The following CAPS2 variants were observed in gnomAD, a reference collection of about 807,000 sequenced individuals.
The protein encoded by CAPS2 is calcyphosine 2.
Under a neutral mutation model 86.5 loss-of-function variants are expected in CAPS2, and 98 were observed. The ratio of observed to expected loss-of-function variants is 1.13; its 90% confidence interval spans 0.96 to 1.34. The LOEUF (loss-of-function observed/expected upper bound fraction) is 1.34, where lower values mean the gene tolerates loss of function less well. CAPS2 is among the 40% of genes most tolerant of loss of function. The pLI, the probability that CAPS2 is intolerant of heterozygous loss-of-function variation, is 0.00. For synonymous variants in CAPS2, 210 were observed against 225.1 expected (o/e 0.93, Z 0.60); for missense variants, 729 against 686.8 (o/e 1.06, Z -0.69).
At chr12:75,327,504 C>A (rs1201269967), upstream of CAPS2, among the ~76,000 whole-genome samples, 1 of 151,996 alleles carries the variant, frequency 6.6e-6, no homozygotes, top group Non-Finnish European at 1.5e-5. Flanking sequence ...GATAATTTTA[C>A]ATTTAAATAT....
chr12:75,354,911 A>G (rs1392846987), intron 1 of CAPS2, among the ~76,000 whole-genome samples: 1 of 152,230 alleles, frequency 6.6e-6, no homozygotes, highest in African/African-American at 2.4e-5. Flanking sequence ...TGGTGCTGGG[A>G]GAACAGGCTA....
intron 16 of CAPS2, among the ~76,000 whole-genome samples, chr12:75,279,375 G>A (rs548613129): frequency 6.6e-6 from 1 of 151,974 alleles, no homozygotes; most frequent in East Asian, 1.9e-4. Context: ...TATAGTGACT[G>A]GTCAGATAAC....
At chr12:75,336,595 C>A (rs568422544) in intron 1 of CAPS2, among the ~76,000 whole-genome samples, 31 of 151,524 alleles carry the variant, frequency 2.0e-4, no homozygotes, top group Admixed American at 2.0e-3. Context: ...AGGGCTAATT[C>A]AACAAAAGAC....
chr12:75,308,369 A>G (rs1451504554), intron 7 of CAPS2, among the ~76,000 whole-genome samples: 1 of 152,220 alleles, frequency 6.6e-6, no homozygotes, highest in Non-Finnish European at 1.5e-5. Flanking sequence ...CAAGTAACCA[A>G]TGGGAAACCT....
rs558829887 is a variant in CAPS2 at position 75,310,966 on chromosome 12, AG to A, written c.659+1881del. Reference sequence around the variant, plus strand: ...TCATATACAACTGGTCAAAATAAAAAGTAAGGCCCTTCCAGCCATGGCAAGC... The same window carrying A: ...TCATATACAACTGGTCAAAATAAAAATAAGGCCCTTCCAGCCATGGCAAGC... On this transcript the variant is annotated intron_variant, in intron 7 of 16. Coordinates refer to ENST00000393284, the Ensembl canonical transcript of CAPS2. Among the ~76,000 whole-genome samples the A allele has an allele frequency of 2.8e-3, 432 of 152,256 alleles. 4 individuals carry two copies. The highest frequency in any genetic ancestry group is 0.01 in the African/African-American group (420 of 41,508).
chr12:75,298,118 T>C (rs2037211936), intron 11 of CAPS2: 1 of 153,198 alleles, frequency 6.5e-6, no homozygotes, highest in Admixed American at 6.5e-5. Flanking sequence ...TGTATTTTAC[T>C]CACGATATAA....
At chr12:75,340,725 T>C (rs577874035) in intron 1 of CAPS2, among the ~76,000 whole-genome samples, 132 of 138,862 alleles carry the variant, frequency 9.5e-4, no homozygotes, top group African/African-American at 3.1e-3. Context: ...GTCTCAAAAC[T>C]CAACAGTAAA....
At chr12:75,284,706 T>C (rs536045952) in intron 15 of CAPS2, among the ~76,000 whole-genome samples, 139 of 152,214 alleles carry the variant, frequency 9.1e-4, no homozygotes, top group Middle Eastern at 3.4e-3. Context: ...CTTATGGAGC[T>C]AGTAATTTGT....
At chr12:75,347,620 A>C (rs746529940) in intron 1 of CAPS2, 2 of 1,596,038 alleles carry the variant, frequency 1.3e-6, no homozygotes, top group Non-Finnish European at 8.6e-7. Flanking sequence ...TTTTCTTTAT[A>C]GTTAGTTTGG....
chr12:75,368,701 A>T (rs1376189149), intron 1 of CAPS2, among the ~76,000 whole-genome samples: 1 of 151,906 alleles, frequency 6.6e-6, no homozygotes, highest in Non-Finnish European at 1.5e-5. Flanking sequence ...TATTAGACTC[A>T]TTTTAAAAAG....
At chr12:75,289,263 T>G (rs760444838) in intron 14 of CAPS2, among the ~76,000 whole-genome samples, 11 of 152,168 alleles carry the variant, frequency 7.2e-5, no homozygotes, top group Non-Finnish European at 1.2e-4. Flanking sequence ...ATCTTTGTTC[T>G]CCTTCCCCAC....
intron 2 of CAPS2, 65 bp from the exon 4 acceptor site, chr12:75,323,287 A>T: frequency 7.9e-7 from 1 of 1,273,078 alleles, no homozygotes; most frequent in South Asian, 1.4e-5. Context: ...TGCAAATCTT[A>T]TATGTTACAT....
intron 1 of CAPS2, among the ~76,000 whole-genome samples, chr12:75,340,136 C>CAT (rs1008079051): frequency 9.3e-5 from 14 of 149,990 alleles, no homozygotes; most frequent in Non-Finnish European, 1.6e-4. Flanking sequence ...TTTATACACA[C>CAT]ATATATATAA....
At chr12:75,341,702 G>A (rs1399474554) in intron 1 of CAPS2, among the ~76,000 whole-genome samples, 1 of 149,078 alleles carries the variant, frequency 6.7e-6, no homozygotes, top group Non-Finnish European at 1.5e-5. Flanking sequence ...CGCATCGGCC[G>A]CCCAAAGTGT....
At chr12:75,290,495 A>G (rs1042852293) in intron 13 of CAPS2, among the ~76,000 whole-genome samples, 3 of 152,212 alleles carry the variant, frequency 2.0e-5, no homozygotes, top group Non-Finnish European at 4.4e-5. Flanking sequence ...TGACAATGAT[A>G]TAATAAACTG....
intron 16 of CAPS2, 138 bp from the exon 17 acceptor site, chr12:75,279,203 T>C: frequency 1.3e-6 from 1 of 781,028 alleles, no homozygotes; most frequent in African/African-American, 1.8e-5. Context: ...AGCCAATTTA[T>C]TTACACATGA....
chr12:75,381,400 C>T (rs1451395767), intron 1 of CAPS2, among the ~76,000 whole-genome samples: 1 of 152,070 alleles, frequency 6.6e-6, no homozygotes, highest in Non-Finnish European at 1.5e-5. Context: ...CAAACTAATA[C>T]AGCGACAAAC....
At chr12:75,308,675 G>A (rs868111805) in intron 7 of CAPS2, among the ~76,000 whole-genome samples, 2 of 152,090 alleles carry the variant, frequency 1.3e-5, no homozygotes, top group Non-Finnish European at 2.9e-5. Context: ...TAGGGGAAAT[G>A]AGGCAGGAAA....
intron 1 of CAPS2, among the ~76,000 whole-genome samples, chr12:75,345,846 G>A (rs2042406618): frequency 6.6e-6 from 1 of 152,080 alleles, no homozygotes; most frequent in Non-Finnish European, 1.5e-5. Context: ...AAAAAAAGCT[G>A]GTTCTCAAAT....
Sources: allele counts gnomAD v4.1 joint callset (sites outside exome capture counted in the v4.1 genomes callset), GRCh38; gene constraint gnomAD v4.1.1; transcripts MANE v1.5; gene names NCBI Gene and HGNC (gene_info 2026-07-23, HGNC 2026-07-21).